Variants in CTBP2 observed in about 807,000 individuals in gnomAD.
CTBP2 encodes C-terminal-binding protein 2.
CTBP2 carries 30 observed loss-of-function variants against 80.3 expected under a neutral mutation model. The observed-to-expected ratio is 0.37, with a 90% CI of 0.28 to 0.51. The LOEUF (loss-of-function observed/expected upper bound fraction) is 0.51, where lower values mean the gene tolerates loss of function less well. CTBP2 is among the 20% of genes least tolerant of loss of function. CTBP2 has a pLI of 0.93. For missense variants in CTBP2, 1,212 were observed against 1,375.3 expected (o/e 0.88, Z 1.88); for synonymous variants, 594 against 587.4 (o/e 1.01, Z -0.16).
intron 8 of CTBP2, among the ~76,000 whole-genome samples, chr10:124,989,957 C>T (rs1277927444): frequency 3.3e-5 from 5 of 151,688 alleles, no homozygotes; most frequent in African/African-American, 1.2e-4. Flanking sequence ...AGGCTGGTCT[C>T]AAACTCTTGA....
chr10:125,068,178 AC>A (rs1442391610), intron 2 of CTBP2, among the ~76,000 whole-genome samples: 2 of 152,156 alleles, frequency 1.3e-5, no homozygotes, highest in Non-Finnish European at 2.9e-5. Context: ...TCACAGCTGC[AC>A]CAGAGTTCTG....
chr10:125,135,829 C>T (rs141468750), intron 1 of CTBP2, among the ~76,000 whole-genome samples: 2 of 152,342 alleles, frequency 1.3e-5, no homozygotes, highest in Non-Finnish European at 2.9e-5. Context: ...ACAGCAGGAG[C>T]GTACCTGTCA....
chr10:125,107,995 ATAT>A (rs1851712481), intron 2 of CTBP2, among the ~76,000 whole-genome samples: 1 of 152,232 alleles, frequency 6.6e-6, no homozygotes, highest in Admixed American at 6.5e-5. Flanking sequence ...ACTGCTGCAA[ATAT>A]TAATGCTTAA....
chr10:125,134,791 TCTTCCCCCAGC>T lies in CTBP2; in HGVS notation c.-205-23709_-205-23699del, dbSNP rs1203954362. 2.9e-5 allele frequency among the ~76,000 whole-genome samples: 3 copies of T among 102,014 alleles called. No homozygotes were observed. In the East Asian group the frequency reaches 6.9e-4, roughly 24 times the overall value. The allele number at this position is 102,014 out of a possible 152,430, so 66.9% of individuals were successfully genotyped here. On this transcript the variant is annotated intron_variant, in intron 1 of 10. Coordinates refer to the CTBP2 transcript ENST00000337195. ...ATGCGTGTGGCCAGGCCTCCTCCCA[TCTTCCCCCAGC>T]CTTTCCCTCCCAGCCTGGAGAGGGA...
chr10:125,112,402 C>T lies in CTBP2; in HGVS notation c.-205-1309G>A, dbSNP rs1322493660. ...TGCTGGGATTACAGGCGTGAGCCAC[C>T]GCGCCCAGCCATCATTCTACCTTTT... On this transcript the variant is annotated intron_variant, in intron 1 of 10. Transcript: ENST00000337195. Among the ~76,000 whole-genome samples the T allele has an allele frequency of 4.0e-5, 6 of 148,928 alleles. No individual in the cohort carries two copies. In the South Asian group the frequency reaches 8.5e-4, roughly 21 times the overall value.
At chr10:125,044,587 T>C (rs1015144285) in intron 2 of CTBP2, among the ~76,000 whole-genome samples, 23 of 152,204 alleles carry the variant, frequency 1.5e-4, no homozygotes, top group African/African-American at 5.5e-4. Context: ...TTTTGTAAAC[T>C]ACACTTGGAA....
At chr10:125,020,705 C>A (rs924806483) in intron 1 of CTBP2, among the ~76,000 whole-genome samples, 1 of 152,194 alleles carries the variant, frequency 6.6e-6, no homozygotes, top group African/African-American at 2.4e-5. Context: ...TGGAGCTCTC[C>A]AGATGCGGCG....
chr10:125,035,289 G>C (rs1273523843), intron 3 of CTBP2, among the ~76,000 whole-genome samples: 1 of 152,058 alleles, frequency 6.6e-6, no homozygotes, highest in Non-Finnish European at 1.5e-5. Flanking sequence ...TTTATCCTCT[G>C]TGGTCGTGAG....
At chr10:124,998,308 G>T in intron 3 of CTBP2, 138 bp from the exon 6 acceptor site, 1 of 956,320 alleles carries the variant, frequency 1.0e-6, no homozygotes, top group Non-Finnish European at 1.6e-6. Context: ...CAGACGCGGG[G>T]CTGGGCACGT....
intron 1 of CTBP2, among the ~76,000 whole-genome samples, chr10:125,124,877 T>C (rs1351043220): frequency 6.6e-6 from 1 of 152,238 alleles, no homozygotes; most frequent in Admixed American, 6.5e-5. Flanking sequence ...CTTTTAAATA[T>C]GCAATTCCAA....
At chr10:125,033,214 C>G (rs1449350843) in intron 3 of CTBP2, among the ~76,000 whole-genome samples, 2 of 152,334 alleles carry the variant, frequency 1.3e-5, no homozygotes, top group Non-Finnish European at 2.9e-5. Flanking sequence ...TGGGATCCCA[C>G]TGTGCCCCAG....
Position 125,027,556 on chromosome 10 carries a change from G to A in CTBP2, c.204C>T (p.Pro68=), listed in dbSNP as rs1957773032. The change falls in exon 1 of 9, where the codon CCC becomes CCT. Residue 68 remains proline, a synonymous_variant. Coordinates refer to ENST00000309035, the MANE Select transcript of CTBP2 (RefSeq NM_022802.3). ...TATAAACGGCCTCCCGGTACAGGTA[G>A]GGCTCGGCGGCCACGGGCAGGGCAG... 6.2e-7 allele frequency: 1 copy of A among 1,614,170 alleles called. No homozygotes were observed. Among genetic ancestry groups the A allele is most frequent in the Non-Finnish European group, 8.5e-7 (1 of 1,180,028 alleles).
intron 1 of CTBP2, among the ~76,000 whole-genome samples, chr10:125,119,267 A>G (rs1853907463): frequency 6.6e-6 from 1 of 152,232 alleles, no homozygotes; most frequent in East Asian, 1.9e-4. Context: ...CCTGACCAAA[A>G]GCAGGATGCT....
At chr10:125,015,676 C>T (rs916797428) in intron 1 of CTBP2, among the ~76,000 whole-genome samples, 5 of 152,230 alleles carry the variant, frequency 3.3e-5, no homozygotes, top group Admixed American at 6.5e-5. Context: ...CTCGCCCGCC[C>T]GCTGTGTGGA....
Position 125,027,409 on chromosome 10 carries a change from A to C in CTBP2, c.351T>G (p.Ala117=). 6.2e-7 allele frequency: 1 copy of C among 1,613,938 alleles called. No homozygotes were observed. The highest frequency in any genetic ancestry group is 1.1e-5 in the South Asian group (1 of 91,088). Residue 117 remains alanine, a synonymous_variant, in exon 1 of 9, where the codon GCT becomes GCG. Transcript: ENST00000309035. ...GGGGAGGCTCTTTGGGTACCCTAGC[A>C]GCTCCAGACGGATCACTGTAGTACT...
At chr10:125,059,383 C>A (rs1376014028) in intron 2 of CTBP2, among the ~76,000 whole-genome samples, 1 of 152,002 alleles carries the variant, frequency 6.6e-6, no homozygotes, top group East Asian at 1.9e-4. Flanking sequence ...GAGTTCAACA[C>A]CAACCTGGCC....
intron 8 of CTBP2, among the ~76,000 whole-genome samples, chr10:124,991,488 G>A (rs905069272): frequency 1.3e-5 from 2 of 152,216 alleles, no homozygotes; most frequent in Non-Finnish European, 2.9e-5. Context: ...GGACGGGGCT[G>A]GATGAAATGT....
intron 2 of CTBP2, among the ~76,000 whole-genome samples, chr10:125,070,919 CA>C (rs1207848129): frequency 6.6e-6 from 1 of 152,312 alleles, no homozygotes; most frequent in East Asian, 1.9e-4. Flanking sequence ...TGCGAGCCAC[CA>C]TGCTTGGCCT....
chr10:124,985,710 G>A lies in CTBP2; in HGVS notation c.*3808C>T, dbSNP rs1952017593. 6.6e-6 allele frequency: 1 copy of A among 152,526 alleles called. No homozygotes were observed. The highest frequency in any genetic ancestry group is 1.5e-5 in the Non-Finnish European group (1 of 68,038). The allele number at this position is 152,526 out of a possible 1,614,324, so 9.4% of individuals were successfully genotyped here. On this transcript the variant is annotated 3_prime_UTR_variant, in exon 9 of 9. Coordinates refer to ENST00000309035, the MANE Select transcript of CTBP2 (RefSeq NM_022802.3). ...CAATATTTAGATATTTATTTGTTGG[G>A]AAGAATACCTTAAAATGAGGGTTCT...
Sources: allele counts gnomAD v4.1 joint callset (sites outside exome capture counted in the v4.1 genomes callset), GRCh38; gene constraint gnomAD v4.1.1; transcripts MANE v1.5; gene names NCBI Gene and HGNC (gene_info 2026-07-23, HGNC 2026-07-21).